Variants in LILRA6 observed in about 807,000 individuals in gnomAD.
LILRA6 encodes leukocyte immunoglobulin like receptor A6, also known as leukocyte immunoglobulin-like receptor subfamily A member 6.
In LILRA6, 16 loss-of-function variants were observed where a neutral mutation model predicts 53.9. The ratio of observed to expected loss-of-function variants is 0.30; its 90% CI spans 0.20 to 0.45. The LOEUF (loss-of-function observed/expected upper bound fraction) is 0.45. LILRA6 is among the 20% of genes least tolerant of loss of function. The probability of loss-of-function intolerance (pLI) is 1.00; values close to 1 mark genes in which losing one functional copy is unlikely to be tolerated. For synonymous variants in LILRA6, 135 were observed against 256.4 expected, an observed-to-expected ratio of 0.53 and a Z score of 4.52; for missense variants, 306 against 618.6, an observed-to-expected ratio of 0.49 and a Z score of 5.36.
At chr19:54,241,385 C>G in intron 4 of LILRA6, 191 bp downstream of exon 4, 1 of 1,035,412 alleles carries the variant, frequency 9.7e-7, no homozygotes, top group Non-Finnish European at 1.3e-6. Flanking sequence ...CCTGAGTCCT[C>G]CCCGTTCAGG....
rs922642268 is a variant in LILRA6 at position 54,238,932 on chromosome 19, G to T, written c.*21C>A. On this transcript the variant is annotated 3_prime_UTR_variant, in exon 8 of 8. Transcript: ENST00000396365. ...CCCTGAGGCTCCACCACGCTGAAGG[G>T]TGCATTGTCCTCTCCGCTGTTCACC... 2.5e-6 allele frequency: 4 copies of T among 1,608,882 alleles called. No homozygotes were observed. In the African/African-American group the frequency reaches 4.1e-5, roughly 17 times the overall value.
chr19:54,239,793 A>C, intron 7 of LILRA6, 108 bp downstream of exon 7: 1 of 1,550,640 alleles, frequency 6.4e-7, no homozygotes, highest in Middle Eastern at 1.7e-4. Context: ...CCAGCCTCAG[A>C]GCCCCTGGGA....
exon 5 of LILRA6, chr19:54,240,976 C>T: frequency 1.9e-6 from 3 of 1,613,890 alleles, no homozygotes; most frequent in South Asian, 1.1e-5. Context: ...CCTGGGGCTG[C>T]TGGCCAGGGC....
chr19:54,239,641 G>C (rs199690478), intron 7 of LILRA6: 35 of 1,154,978 alleles, frequency 3.0e-5, no homozygotes, highest in Non-Finnish European at 4.0e-5. Context: ...CTGGGGGGTT[G>C]AGGGGCTGGT....
Position 54,238,969 on chromosome 19 carries a change from T to C in LILRA6, c.1430A>G (p.Asp477Gly), listed in dbSNP as rs769856233. ...CTCCGCTGTTCACCTCCCGGCTGCA[T>C]CTTGGGGGTTTCTCTGGCTGTGCTG... Residue 477 changes from aspartate (D) to glycine (G), a missense_variant, in exon 8 of 8, where the codon GAT becomes GGT. This residue lies in a region of LILRA6 where 59 missense variants were observed against 58.6 expected (regional missense o/e 1.01). Coordinates refer to ENST00000396365, the Ensembl canonical transcript of LILRA6. 9 of 1,611,132 alleles carry C rather than the reference T, an allele frequency of 5.6e-6. 1 individual carries two copies. Among genetic ancestry groups the C allele is most frequent in the Non-Finnish European group, 6.8e-6 (8 of 1,179,456 alleles).
rs564528936 is a variant in LILRA6 at position 54,239,885 on chromosome 19, G to A, written c.1309+16C>T. 1.9e-6 allele frequency: 3 copies of A among 1,553,714 alleles called. No individual in the cohort carries two copies. Among genetic ancestry groups the A allele is most frequent in the African/African-American group, 2.8e-5 (2 of 72,460 alleles). ...CTGGGGGAGGCGGCGCTCCCCACGA[G>A]GCCTCAGTGACTCACCAGGTGTGGA... is the stretch of plus-strand genomic sequence containing the variant. On this transcript the variant is annotated intron_variant, in intron 7 of 7. Coordinates refer to ENST00000396365, the Ensembl canonical transcript of LILRA6.
At chr19:54,238,974 G>C in exon 8 of LILRA6, 1 of 1,611,264 alleles carries the variant, frequency 6.2e-7, no homozygotes, top group Non-Finnish European at 8.5e-7. Context: ...CTGCATCTTG[G>C]GGGTTTCTCT....
At chr19:54,239,224 C>A in intron 7 of LILRA6, 135 bp from the exon 8 acceptor site, 1 of 1,550,292 alleles carries the variant, frequency 6.5e-7, no homozygotes, top group South Asian at 1.2e-5. Flanking sequence ...CCATAACTGT[C>A]TGACTTGTTT....
rs1193303875 is a variant in LILRA6 at position 54,241,594 on chromosome 19, G to C, written c.640C>G (p.Leu214Val). 2.7e-6 allele frequency: 4 copies of C among 1,471,742 alleles called. No individual in the cohort carries two copies. The South Asian group carries it at 3.9e-5, about 15-fold the overall frequency. The allele number at this position is 1,471,742 out of a possible 1,614,324, so 91.2% of individuals were successfully genotyped here. ...CCCTCACCTGAGGGCAGAATCTCCA[G>C]GGGGTCACTGGGGTGGGACCACACC... is the stretch of plus-strand genomic sequence containing the variant. The change falls in exon 4 of 8, where the codon CTG becomes GTG. Residue 214 changes from leucine to valine, a missense_variant. By Grantham distance (32) the Leu-to-Val change is conservative. This residue lies in a region of LILRA6 where 23 missense variants were observed against 31.3 expected (regional missense o/e 0.73). Transcript: ENST00000396365.
chr19:54,238,903 C>T, exon 8 of LILRA6: 1 of 1,597,542 alleles, frequency 6.3e-7, no homozygotes. Context: ...ATCATCAGAT[C>T]TGTCCCTGAG....
At position 54,242,072 on chromosome 19, in the gene LILRA6, A is replaced by C; in HGVS notation, c.309T>G (p.Ser103=). 6 of 1,406,816 alleles carry C rather than the reference A, an allele frequency of 4.3e-6. 1 individual carries two copies. The highest frequency in any genetic ancestry group is 3.7e-5 in the Admixed American group (2 of 53,388). 87.1% of individuals were successfully genotyped at this position (1,406,816 alleles called of 1,614,324 possible). ...GGTCGCTGGGCTCTGACCAGCCTGCAGAGCTGTAATAGTGGCAGCGGTATC... is the reference window on the plus strand; with the variant it reads ...GGTCGCTGGGCTCTGACCAGCCTGCCGAGCTGTAATAGTGGCAGCGGTATC... Residue 103 remains serine (S), a synonymous_variant, in exon 3 of 8, where the codon TCT becomes TCG. Coordinates refer to ENST00000396365, the Ensembl canonical transcript of LILRA6.
At chr19:54,239,177 A>C in intron 7 of LILRA6, 88 bp from the exon 8 acceptor site, 1 of 1,591,702 alleles carries the variant, frequency 6.3e-7, no homozygotes, top group Non-Finnish European at 8.5e-7. Flanking sequence ...GGCACCCCCC[A>C]TCCGCCATTG....
Position 54,240,908 on chromosome 19 carries a change from T to C in LILRA6, c.878A>G (p.Gln293Arg), listed in dbSNP as rs1328140961. The change falls in exon 5 of 8, where the codon CAG (glutamine) becomes CGG (arginine). Residue 293 changes from glutamine to arginine, a missense_variant. By Grantham distance (43) the Gln-to-Arg change is conservative. Transcript: ENST00000396365. ...GTTGTGTGCACCATAGCACCTGTAC[T>C]GGCCCCCGTGGGAGGGGCTCACAGG... 6 of 1,614,076 alleles carry C rather than the reference T, an allele frequency of 3.7e-6. No individual in the cohort carries two copies. The East Asian group carries it at 8.9e-5, about 24-fold the overall frequency.
At chr19:54,239,513 T>C (rs1051126241) in intron 7 of LILRA6, 1 of 681,820 alleles carries the variant, frequency 1.5e-6, no homozygotes, top group East Asian at 3.2e-5. Flanking sequence ...CTCCCTTCTT[T>C]CCTAGTGTCC....
Position 54,238,893 on chromosome 19 carries a change from A to G in LILRA6, c.*60T>C, listed in dbSNP as rs551273652. On this transcript the variant is annotated 3_prime_UTR_variant, in exon 8 of 8. Transcript: ENST00000396365. ...AGATTGTCCTCCAGAGCCTTCTGGGATCATCAGATCTGTCCCTGAGGCTCC... is the reference window on the plus strand; with the variant it reads ...AGATTGTCCTCCAGAGCCTTCTGGGGTCATCAGATCTGTCCCTGAGGCTCC... The G allele has an allele frequency of 1.0e-5, 16 of 1,589,304 alleles. 2 individuals carry two copies. In the South Asian group the frequency reaches 1.0e-4, roughly 10 times the overall value.
intron 7 of LILRA6, 44 bp from the exon 8 acceptor site, chr19:54,239,133 A>C: frequency 2.5e-6 from 4 of 1,607,346 alleles, no homozygotes; most frequent in Non-Finnish European, 3.4e-6. Context: ...CGGGCAGATC[A>C]ACTTCACCCA....
Position 54,239,176 on chromosome 19 carries a change from C to A in LILRA6, c.1310-87G>T. 2.5e-6 allele frequency: 4 copies of A among 1,592,340 alleles called. No homozygotes were observed. In the South Asian group the frequency reaches 3.4e-5, roughly 13 times the overall value. On this transcript the variant is annotated intron_variant, in intron 7 of 7. Coordinates refer to ENST00000396365, the Ensembl canonical transcript of LILRA6. ...TGGATGCCCAACCCAGGGCACCCCC[C>A]ATCCGCCATTGACAGAACCTGACCC... is the stretch of plus-strand genomic sequence containing the variant.
intron 7 of LILRA6, 36 bp from the exon 8 acceptor site, chr19:54,239,125 G>A (rs1215853177): frequency 6.2e-7 from 1 of 1,609,122 alleles, no homozygotes. Context: ...CAGAGGTCCG[G>A]GCAGATCAAC....
chr19:54,238,941 C>A (rs201086550), exon 8 of LILRA6: 1 of 1,610,074 alleles, frequency 6.2e-7, no homozygotes, highest in South Asian at 1.1e-5. Context: ...GGTGCATTGT[C>A]CTCTCCGCTG....
Sources: gnomAD v4.1 joint callset for allele counts on GRCh38, gnomAD v4.1.1 for gene constraint, gnomAD v4.1.1 regional missense constraint, MANE v1.5 for transcripts, NCBI Gene and HGNC (gene_info 2026-07-23, HGNC 2026-07-21) for gene names.